The following UBE2Z variants were observed in gnomAD, a reference collection of about 807,000 sequenced individuals.
The protein encoded by UBE2Z is ubiquitin-conjugating enzyme E2 Z.
UBE2Z carries 10 observed loss-of-function variants against 32.6 expected under a neutral mutation model. That is an observed-to-expected ratio of 0.31 (90% CI 0.19 to 0.52). UBE2Z has a LOEUF of 0.52. UBE2Z is among the 20% of genes least tolerant of loss of function. UBE2Z has a pLI of 0.97. For missense variants in UBE2Z, 343 were observed against 480.9 expected, an observed-to-expected ratio of 0.71 and a Z score of 2.68; for synonymous variants, 183 against 190.8, an observed-to-expected ratio of 0.96 and a Z score of 0.34.
In UBE2Z at chr17:48,913,027, A is replaced by G; in HGVS notation, c.578+6A>G. 1 of 1,612,250 alleles carries G rather than the reference A, an allele frequency of 6.2e-7. No homozygotes were observed. Among genetic ancestry groups the G allele is most frequent in the Middle Eastern group, 1.7e-4 (1 of 6,060 alleles). ...GTCTGCTTGAGTATTCTAGGGTAAG[A>G]GGAGACTTTTAAGTAGCCAAGTCGG... On this transcript the variant is annotated splice_donor_region_variant and intron_variant, in intron 3 of 6. Transcript: ENST00000360943.
intron 6 of UBE2Z, 149 bp downstream of exon 6, chr17:48,923,086 C>T (rs970378551): frequency 4.9e-6 from 3 of 616,258 alleles, no homozygotes; most frequent in African/African-American, 3.7e-5. Context: ...CTTTGGGAGG[C>T]CAAGGCGGGC....
At chr17:48,912,582 T>C in intron 2 of UBE2Z, 1 of 458,066 alleles carries the variant, frequency 2.2e-6, no homozygotes, top group Non-Finnish European at 3.9e-6. Context: ...GATTCAGTTT[T>C]CGCCTTGGGC....
chr17:48,921,139 C>T (rs2040755263), intron 4 of UBE2Z, 21 bp from the exon 5 acceptor site: 1 of 1,590,824 alleles, frequency 6.3e-7, no homozygotes, highest in Non-Finnish European at 8.6e-7. Context: ...TTGGAATACT[C>T]TGGCATCTGT....
At position 48,908,625 on chromosome 17, in the gene UBE2Z, T is replaced by C. The variant is rs2040647324; in HGVS notation, c.122T>C (p.Phe41Ser). The change falls in exon 1 of 7, where the codon TTC (phenylalanine) becomes TCC (serine). Residue 41 changes from phenylalanine (F) to serine (S), a missense_variant. Physicochemically the swap from Phe to Ser is radical, Grantham distance 155. This residue lies in a region of UBE2Z where 103 missense variants were observed against 96.2 expected (regional missense o/e 1.07). Transcript: ENST00000360943. Reference sequence around the variant, plus strand: ...AGCGGCGGCGGGTTCGGGCCGCCTTTCCTGCCGGATGTGTGGGCGGCGGCG... The same window carrying C: ...AGCGGCGGCGGGTTCGGGCCGCCTTCCCTGCCGGATGTGTGGGCGGCGGCG... Reference protein sequence around the residue: ...SGSGGGFGPPFLPDVWAAAAA... With the variant: ...SGSGGGFGPPSLPDVWAAAAA... The C allele has an allele frequency of 8.1e-7, 1 of 1,233,590 alleles. No individual in the cohort carries two copies. The highest frequency in any genetic ancestry group is 1.0e-6 in the Non-Finnish European group (1 of 986,248). The allele number at this position is 1,233,590 out of a possible 1,614,324, so 76.4% of individuals were successfully genotyped here. A position where few individuals can be genotyped will look rare whatever the true frequency, so the allele number is the denominator to read the frequency against.
intron 4 of UBE2Z, 71 bp downstream of exon 4, chr17:48,916,258 G>GTTTTTTTTTT (rs371253123): frequency 0.011 from 4,673 of 415,890 alleles, 52 homozygotes; most frequent in Middle Eastern, 0.013. Context: ...TGGTTTTTTT[G>GTTTTTTTTTT]TTTTTTTTTT....
Position 48,922,897 on chromosome 17 carries a change from C to T in UBE2Z, c.854C>T (p.Ala285Val), listed in dbSNP as rs1273210272. 1 of 1,612,868 alleles carries T rather than the reference C, an allele frequency of 6.2e-7. No individual in the cohort carries two copies. Among genetic ancestry groups the T allele is most frequent in the South Asian group, 1.1e-5 (1 of 90,930 alleles). ...GAGTATTACGACTTCTACGAGGTGG[C>T]CTGCAAAGATCGCCTGCACCTTCAA... ...FLEYYDFYEV[A>V]CKDRLHLQGQ... The change falls in exon 6 of 7, where the codon GCC becomes GTC. Residue 285 changes from alanine (A) to valine (V), a missense_variant. Physicochemically the swap from Ala to Val is moderately conservative, Grantham distance 64 (BLOSUM62 0). Around this residue, in one of 4 missense-constraint regions of UBE2Z, gnomAD observed 182 missense variants for 312.4 expected, o/e 0.58. Transcript: ENST00000360943.
At chr17:48,916,221 A>G in intron 4 of UBE2Z, 34 bp downstream of exon 4, 1 of 1,250,310 alleles carries the variant, frequency 8.0e-7, no homozygotes, top group Non-Finnish European at 1.1e-6. Flanking sequence ...TGGGGTGTAG[A>G]CTATTGTTTT....
intron 3 of UBE2Z, among the ~76,000 whole-genome samples, chr17:48,913,964 T>C (rs1351074922): frequency 1.3e-5 from 2 of 152,126 alleles, no homozygotes; most frequent in Non-Finnish European, 2.9e-5. Context: ...CTTGAATTCT[T>C]GTCCTCAAGC....
chr17:48,923,969 C>A (rs2143775776), intron 6 of UBE2Z, among the ~76,000 whole-genome samples: 1 of 152,346 alleles, frequency 6.6e-6, no homozygotes, highest in Admixed American at 6.5e-5. Flanking sequence ...CTCATTGCAA[C>A]TTCAGCCTCC....
intron 6 of UBE2Z, 116 bp downstream of exon 6, chr17:48,923,053 G>A: frequency 1.1e-6 from 1 of 934,242 alleles, no homozygotes. Context: ...TGGGTTCAGT[G>A]GCTCATGCCT....
intron 2 of UBE2Z, chr17:48,911,795 C>G (rs2040679819): frequency 6.6e-6 from 1 of 152,188 alleles, no homozygotes; most frequent in African/African-American, 2.4e-5. Context: ...GTTTACTATT[C>G]CAAATGACTG....
rs780694428 is a variant in UBE2Z at position 48,927,135 on chromosome 17, AC to A, written c.*4del. The A allele has an allele frequency of 3.1e-6, 5 of 1,613,334 alleles. No homozygotes were observed. On this transcript the variant is annotated 3_prime_UTR_variant, in exon 7 of 7. Transcript: ENST00000360943. ...CCTTCATGGGAGCCTGAGGGTTTAG[AC>A]CCTGCTCCCATCTCCCCTTCCCCCA...
chr17:48,912,212 C>G (rs2040684133), intron 2 of UBE2Z: 1 of 152,612 alleles, frequency 6.6e-6, no homozygotes, highest in Non-Finnish European at 1.5e-5. Flanking sequence ...AGGAAGCAAG[C>G]AGATACCCTA....
At position 48,927,253 on chromosome 17, in the gene UBE2Z, G is replaced by A; in HGVS notation, c.*119G>A. 1 of 1,138,132 alleles carries A rather than the reference G, an allele frequency of 8.8e-7. No homozygotes were observed. Among genetic ancestry groups the A allele is most frequent in the Non-Finnish European group, 1.2e-6 (1 of 807,578 alleles). 70.5% of individuals were successfully genotyped at this position (1,138,132 alleles called of 1,614,324 possible). A position where few individuals can be genotyped will look rare whatever the true frequency, so the allele number is the denominator to read the frequency against. On this transcript the variant is annotated 3_prime_UTR_variant, in exon 7 of 7. Coordinates refer to ENST00000360943, the MANE Select transcript of UBE2Z (RefSeq NM_023079.5). ...CAGACTCGAAGTCATCCTGCAAGATGGCAAGAACCAAGCAAGCTCCGATCC... is the reference window on the plus strand; with the variant it reads ...CAGACTCGAAGTCATCCTGCAAGATAGCAAGAACCAAGCAAGCTCCGATCC...
chr17:48,917,972 T>C (rs2040732192), intron 4 of UBE2Z, among the ~76,000 whole-genome samples: 1 of 152,198 alleles, frequency 6.6e-6, no homozygotes, highest in African/African-American at 2.4e-5. Flanking sequence ...GTTTCACTAT[T>C]GTTACCCAGG....
rs1349436233 is a variant in UBE2Z at position 48,908,470 on chromosome 17, C to T, written c.-34C>T. The T allele has an allele frequency of 4.1e-6, 5 of 1,228,400 alleles. No homozygotes were observed. Among genetic ancestry groups the T allele is most frequent in the Non-Finnish European group, 5.1e-6 (5 of 985,138 alleles). The allele number at this position is 1,228,400 out of a possible 1,614,324, so 76.1% of individuals were successfully genotyped here. A position where few individuals can be genotyped will look rare whatever the true frequency, so the allele number is the denominator to read the frequency against. On this transcript the variant is annotated 5_prime_UTR_variant, in exon 1 of 7. The change creates a new upstream start codon in the 5' untranslated region. Transcript: ENST00000360943. ...AGCAGCGGCCGCTCTGGTCGGCGGA[C>T]GTGCTGCCGAGTAGTCCCGGAAGCG... is the stretch of plus-strand genomic sequence containing the variant.
At chr17:48,926,671 G>A (rs1567781192) in intron 6 of UBE2Z, among the ~76,000 whole-genome samples, 1 of 152,134 alleles carries the variant, frequency 6.6e-6, no homozygotes, top group Non-Finnish European at 1.5e-5. Context: ...AGTAGAGACA[G>A]GGTTTCACCA....
chr17:48,911,798 A>G (rs1298273875), intron 2 of UBE2Z: 1 of 152,186 alleles, frequency 6.6e-6, no homozygotes, highest in African/African-American at 2.4e-5. Context: ...TACTATTCCA[A>G]ATGACTGAGA....
intron 2 of UBE2Z, chr17:48,912,024 G>C (rs1344884677): frequency 6.6e-6 from 1 of 151,028 alleles, no homozygotes; most frequent in Non-Finnish European, 1.5e-5. Context: ...TGAGGGGGAA[G>C]AGAATTTAGT....
Sources: gnomAD v4.1 joint callset for allele counts (sites outside exome capture counted in the v4.1 genomes callset) on GRCh38, gnomAD v4.1.1 for gene constraint, gnomAD v4.1.1 regional missense constraint, MANE v1.5 for transcripts, NCBI Gene and HGNC (gene_info 2026-07-23, HGNC 2026-07-21) for gene names.